The following ATG10 variants were observed in gnomAD, a reference collection of about 807,000 sequenced individuals.
The protein encoded by ATG10 is ubiquitin-like-conjugating enzyme ATG10.
In ATG10, 30 loss-of-function variants were observed where a neutral mutation model predicts 32.1. The observed-to-expected ratio is 0.94, with a 90% CI of 0.70 to 1.27. The LOEUF is 1.27. Ranked by LOEUF, ATG10 falls within the 50% of genes most tolerant of loss-of-function variation. The probability of loss-of-function intolerance (pLI) is 0.00; values close to 1 mark genes in which losing one functional copy is unlikely to be tolerated. For synonymous variants in ATG10, 87 were observed against 91.5 expected (o/e 0.95, Z 0.28); for missense variants, 233 against 262.3 (o/e 0.89, Z 0.77).
intron 3 of ATG10, among the ~76,000 whole-genome samples, chr5:82,157,114 G>A (rs923346275): frequency 6.6e-6 from 1 of 152,152 alleles, no homozygotes; most frequent in Admixed American, 6.5e-5. Context: ...CCTGCCTGGA[G>A]AAGAGGTTTT....
chr5:82,025,360 C>CT (rs1030797496), intron 2 of ATG10, among the ~76,000 whole-genome samples: 9 of 152,220 alleles, frequency 5.9e-5, no homozygotes, highest in Admixed American at 5.2e-4. Context: ...GATGCATTAG[C>CT]TTTTTTGTAG....
At chr5:82,032,014 G>A (rs916498496) in intron 2 of ATG10, among the ~76,000 whole-genome samples, 1 of 152,252 alleles carries the variant, frequency 6.6e-6, no homozygotes, top group African/African-American at 2.4e-5. Flanking sequence ...AGACAAGGTA[G>A]TGGGACCAGA....
chr5:82,243,227 T>A (rs1746875571), intron 5 of ATG10, among the ~76,000 whole-genome samples: 1 of 149,172 alleles, frequency 6.7e-6, no homozygotes, highest in African/African-American at 2.5e-5. Flanking sequence ...GCTTAGTCAA[T>A]CCAAAAGAAG....
chr5:82,099,893 GTCAA>G (rs1008196060), intron 3 of ATG10, among the ~76,000 whole-genome samples: 3 of 149,956 alleles, frequency 2.0e-5, no homozygotes, highest in African/African-American at 4.9e-5. Flanking sequence ...ACACTGCTTT[GTCAA>G]TCAATCACTA....
chr5:81,993,339 CTTT>C, intron 2 of ATG10, among the ~76,000 whole-genome samples: 2 of 34,794 alleles, frequency 5.7e-5, no homozygotes, highest in Admixed American at 4.1e-4. Context: ...TTCCTTCCTT[CTTT>C]CTTTCTTTCT....
chr5:82,167,085 C>G (rs751856010), intron 4 of ATG10, among the ~76,000 whole-genome samples: 4 of 152,126 alleles, frequency 2.6e-5, no homozygotes, highest in African/African-American at 4.8e-5. Flanking sequence ...ATCCCTTAGA[C>G]TTTGAATTCC....
chr5:82,056,077 C>T (rs951751577), intron 2 of ATG10, among the ~76,000 whole-genome samples: 6 of 151,984 alleles, frequency 3.9e-5, no homozygotes, highest in Non-Finnish European at 7.4e-5. Flanking sequence ...GTATTCCTGC[C>T]GTTAAGTGAT....
chr5:82,027,275 T>C (rs1269117547), intron 2 of ATG10, among the ~76,000 whole-genome samples: 1 of 152,002 alleles, frequency 6.6e-6, no homozygotes, highest in Admixed American at 6.6e-5. Context: ...GGTGCATGCC[T>C]GTAGCCCTAG....
intron 3 of ATG10, among the ~76,000 whole-genome samples, chr5:82,133,659 T>C (rs1032815283): frequency 6.6e-6 from 1 of 152,176 alleles, no homozygotes; most frequent in Non-Finnish European, 1.5e-5. Context: ...GGTAGTGTGA[T>C]GCCTCCAGCT....
chr5:82,240,969 C>G (rs994977263), intron 5 of ATG10, among the ~76,000 whole-genome samples: 3 of 152,124 alleles, frequency 2.0e-5, no homozygotes. Flanking sequence ...CAGAGGTTAT[C>G]TGTTTATTCA....
chr5:82,126,176 G>T (rs1766270230), intron 3 of ATG10, among the ~76,000 whole-genome samples: 1 of 89,594 alleles, frequency 1.1e-5, no homozygotes, highest in Non-Finnish European at 2.2e-5. Flanking sequence ...GGAGTTTTTG[G>T]GCTGAGATGA....
intron 2 of ATG10, among the ~76,000 whole-genome samples, chr5:82,054,298 C>T (rs1417798866): frequency 6.6e-6 from 1 of 152,172 alleles, no homozygotes; most frequent in Non-Finnish European, 1.5e-5. Context: ...TGCCTCAGTG[C>T]TTCCAAAATG....
intron 3 of ATG10, among the ~76,000 whole-genome samples, chr5:82,070,544 C>G (rs1386873236): frequency 1.3e-5 from 2 of 152,118 alleles, no homozygotes; most frequent in Admixed American, 6.6e-5. Flanking sequence ...TTATTTTCAA[C>G]TGTATTTATG....
intron 5 of ATG10, among the ~76,000 whole-genome samples, chr5:82,216,406 A>G (rs1333230161): frequency 6.6e-6 from 1 of 152,222 alleles, no homozygotes; most frequent in African/African-American, 2.4e-5. Context: ...GAGAAGAGAC[A>G]TATATTATTA....
chr5:81,984,387 G>C (rs1306814724), intron 1 of ATG10, among the ~76,000 whole-genome samples: 1 of 152,274 alleles, frequency 6.6e-6, no homozygotes, highest in African/African-American at 2.4e-5. Flanking sequence ...GTACAGTCCA[G>C]CTTCGGCTCA....
intron 3 of ATG10, among the ~76,000 whole-genome samples, chr5:82,107,370 T>G (rs1242604670): frequency 1.3e-5 from 2 of 152,084 alleles, no homozygotes; most frequent in South Asian, 2.1e-4. Flanking sequence ...AGTGGAAAGT[T>G]TCTACTCTGG....
intron 2 of ATG10, among the ~76,000 whole-genome samples, chr5:82,016,891 C>T (rs1001174879): frequency 6.6e-5 from 10 of 151,914 alleles, no homozygotes; most frequent in East Asian, 3.9e-4. Context: ...AGGGTTTCAC[C>T]GTGTTAGCCA....
chr5:82,247,524 G>A (rs1212224942), intron 5 of ATG10, among the ~76,000 whole-genome samples: 1 of 152,002 alleles, frequency 6.6e-6, no homozygotes, highest in Admixed American at 6.5e-5. Context: ...TTAGCTATTT[G>A]CAGAGCCATT....
intron 3 of ATG10, among the ~76,000 whole-genome samples, chr5:82,124,831 G>T (rs1434053798): frequency 6.6e-6 from 1 of 152,110 alleles, no homozygotes; most frequent in South Asian, 2.1e-4. Context: ...GGGTCAAACA[G>T]TATTTCTGGT....
Sources: allele counts gnomAD v4.1 joint callset (sites outside exome capture counted in the v4.1 genomes callset), GRCh38; gene constraint gnomAD v4.1.1; transcripts MANE v1.5; gene names NCBI Gene and HGNC (gene_info 2026-07-23, HGNC 2026-07-21).